The following GPHN variants were observed in gnomAD, a reference collection of about 807,000 sequenced individuals.
GPHN encodes gephyrin.
A neutral mutation model predicts 95.5 loss-of-function variants in GPHN; 17 were observed. The ratio of observed to expected loss-of-function variants is 0.18; its 90% CI spans 0.12 to 0.27. The LOEUF (loss-of-function observed/expected upper bound fraction) is 0.27. Among genes scored for constraint, GPHN ranks in the 10% least tolerant of loss-of-function variants. The probability of loss-of-function intolerance (pLI) is 1.00; values close to 1 mark genes in which losing one functional copy is unlikely to be tolerated. For missense variants in GPHN, 660 were observed against 978.1 expected, an observed-to-expected ratio of 0.67 and a Z score of 4.34; for synonymous variants, 320 against 322.5, an observed-to-expected ratio of 0.99 and a Z score of 0.08.
At chr14:67,594,021 G>T in the GPHN span, 1 of 984,632 alleles carries the variant, frequency 1.0e-6, no homozygotes, top group Non-Finnish European at 1.6e-6. Flanking sequence ...GCAATGAGGG[G>T]AACATGCATG....
chr14:67,149,958 A>G lies in GPHN; in HGVS notation c.1836+6509A>G, dbSNP rs544911023. Among the ~76,000 whole-genome samples, 8 of 152,304 alleles carry G rather than the reference A, an allele frequency of 5.3e-5. No homozygotes were observed. In the South Asian group the frequency reaches 1.4e-3, roughly 28 times the overall value. ...TTTAATTTCTATATAATTAATAACT[A>G]TATTCTTTTTAAAAAGCTAATAACT... On this transcript the variant is annotated intron_variant, in intron 18 of 22. Transcript: ENST00000478722.
intron 10 of GPHN, among the ~76,000 whole-genome samples, chr14:67,036,486 C>T (rs2074426490): frequency 6.9e-6 from 1 of 144,930 alleles, no homozygotes; most frequent in South Asian, 2.2e-4. Flanking sequence ...GAAAATTCCA[C>T]TTATATACAT....
chr14:67,447,286 C>T, the GPHN span: 1 of 152,112 alleles, frequency 6.6e-6, no homozygotes, highest in Non-Finnish European at 1.5e-5. Context: ...TCAAATATTC[C>T]ACCCTCATGA....
chr14:67,024,103 T>C (rs116946650), intron 10 of GPHN, among the ~76,000 whole-genome samples: 1,831 of 152,276 alleles, frequency 0.012, 19 homozygotes, highest in Non-Finnish European at 0.018. Flanking sequence ...TCCTGACATA[T>C]AATAACTTCA....
chr14:67,468,911 A>AT, the GPHN span, among the ~76,000 whole-genome samples: 100 of 147,742 alleles, frequency 6.8e-4, no homozygotes, highest in South Asian at 2.2e-3. Flanking sequence ...AATAATAATA[A>AT]TTTTTTTTAA....
the GPHN span, among the ~76,000 whole-genome samples, chr14:67,327,848 ATGGTGT>A: frequency 6.6e-6 from 1 of 152,178 alleles, no homozygotes; most frequent in African/African-American, 2.4e-5. Flanking sequence ...ATAGTATTCC[ATGGTGT>A]ATATGTGCCA....
At chr14:67,590,742 C>T in the GPHN span, among the ~76,000 whole-genome samples, 1 of 152,174 alleles carries the variant, frequency 6.6e-6, no homozygotes, top group Non-Finnish European at 1.5e-5. Context: ...GTTTAGGCCT[C>T]AGCACACCTT....
the GPHN span, chr14:67,472,202 C>G: frequency 6.6e-6 from 1 of 152,326 alleles, no homozygotes; most frequent in Non-Finnish European, 1.5e-5. Flanking sequence ...AACTGATACC[C>G]TCCCACAAAG....
chr14:67,562,332 G>A, the GPHN span: 1 of 1,613,950 alleles, frequency 6.2e-7, no homozygotes, highest in South Asian at 1.1e-5. Context: ...GAAGCAGCAA[G>A]CCCCTTGGAG....
chr14:67,642,318 CTG>C, the GPHN span: 2 of 1,614,118 alleles, frequency 1.2e-6, no homozygotes, highest in Non-Finnish European at 1.7e-6. Flanking sequence ...GTTAGCAGAG[CTG>C]TGTCAGATGG....
At chr14:66,855,956 T>C (rs1287031502) in intron 4 of GPHN, among the ~76,000 whole-genome samples, 1 of 152,164 alleles carries the variant, frequency 6.6e-6, no homozygotes, top group African/African-American at 2.4e-5. Flanking sequence ...TGTAAAGATA[T>C]CCTAACATTC....
intron 2 of GPHN, among the ~76,000 whole-genome samples, chr14:66,764,772 T>C (rs1294678170): frequency 6.6e-6 from 1 of 152,014 alleles, no homozygotes; most frequent in Non-Finnish European, 1.5e-5. Context: ...AGCACAAATT[T>C]AAAATATAAA....
chr14:66,574,253 A>T (rs1054175154), intron 1 of GPHN, among the ~76,000 whole-genome samples: 1 of 152,048 alleles, frequency 6.6e-6, no homozygotes, highest in Admixed American at 6.6e-5. Context: ...CTGATAATTG[A>T]TTTAACTTTA....
the GPHN span, among the ~76,000 whole-genome samples, chr14:67,371,722 G>C: frequency 6.6e-6 from 1 of 152,160 alleles, no homozygotes; most frequent in African/African-American, 2.4e-5. Context: ...TAACAGCACT[G>C]CTGCTATATA....
chr14:67,695,689 C>T, the GPHN span: 4 of 1,614,072 alleles, frequency 2.5e-6, no homozygotes, highest in Middle Eastern at 1.6e-4. Context: ...ACAGCGGGAA[C>T]ATGAGCTCAA....
At chr14:66,944,253 GGCGGTTC>G (rs2067604471) in intron 8 of GPHN, among the ~76,000 whole-genome samples, 1 of 152,194 alleles carries the variant, frequency 6.6e-6, no homozygotes, top group Admixed American at 6.5e-5. Flanking sequence ...GAAAATCCAA[GGCGGTTC>G]ATGGAGGGGA....
the GPHN span, chr14:67,381,448 T>C: frequency 5.6e-6 from 3 of 531,990 alleles, no homozygotes; most frequent in African/African-American, 1.9e-5. Context: ...TTGCCTCCCT[T>C]TTATAAATAA....
the GPHN span, among the ~76,000 whole-genome samples, chr14:67,477,251 T>G: frequency 6.6e-6 from 1 of 152,220 alleles, no homozygotes; most frequent in Admixed American, 6.5e-5. Context: ...AGATTCTTCA[T>G]GACCTTGCCC....
intron 3 of GPHN, among the ~76,000 whole-genome samples, chr14:66,781,590 A>G (rs2059609704): frequency 6.6e-6 from 1 of 152,058 alleles, no homozygotes; most frequent in Non-Finnish European, 1.5e-5. Flanking sequence ...ACATCCCTAA[A>G]CATTACAATT....
Sources: allele counts gnomAD v4.1 joint callset (sites outside exome capture counted in the v4.1 genomes callset), GRCh38; gene constraint gnomAD v4.1.1; transcripts MANE v1.5; gene names NCBI Gene and HGNC (gene_info 2026-07-23, HGNC 2026-07-21).